Variants in ZCCHC17 observed in about 807,000 individuals in gnomAD.
ZCCHC17 encodes the protein zinc finger CCHC-type containing 17.
ZCCHC17 carries 18 observed loss-of-function variants against 30.6 expected under a neutral mutation model. That is an observed-to-expected ratio of 0.59 (90% CI 0.41 to 0.87). The LOEUF (loss-of-function observed/expected upper bound fraction) is 0.87. Among genes scored for constraint, ZCCHC17 ranks in the 40% least tolerant of loss-of-function variants. The pLI, the probability that ZCCHC17 is intolerant of heterozygous loss-of-function variation, is 0.00. For missense variants in ZCCHC17, 263 were observed against 284.2 expected (o/e 0.93, Z 0.54); for synonymous variants, 88 against 92.4 (o/e 0.95, Z 0.27).
intron 1 of ZCCHC17, among the ~76,000 whole-genome samples, chr1:31,303,496 A>C (rs1646370306): frequency 6.6e-6 from 1 of 152,212 alleles, no homozygotes; most frequent in African/African-American, 2.4e-5. Flanking sequence ...AACAACAAAA[A>C]TCTTGACCAG....
intron 5 of ZCCHC17, among the ~76,000 whole-genome samples, chr1:31,342,335 C>A (rs1639079289): frequency 6.6e-6 from 1 of 152,208 alleles, no homozygotes; most frequent in East Asian, 1.9e-4. Context: ...TGAGCCACTA[C>A]CGCTCAGCCC....
At chr1:31,318,295 T>G in intron 2 of ZCCHC17, 1 of 1,397,542 alleles carries the variant, frequency 7.2e-7, no homozygotes, top group Non-Finnish European at 9.7e-7. Context: ...ATTCAGCATA[T>G]AGTGACAACA....
intron 2 of ZCCHC17, among the ~76,000 whole-genome samples, chr1:31,317,646 CTT>C (rs1351930882): frequency 6.6e-6 from 1 of 150,614 alleles, no homozygotes; most frequent in African/African-American, 2.4e-5. Context: ...TTTTTTAAAG[CTT>C]TTTTAGAGAT....
intron 5 of ZCCHC17, among the ~76,000 whole-genome samples, chr1:31,340,022 T>C (rs1411102457): frequency 7.8e-6 from 1 of 127,500 alleles, no homozygotes; most frequent in Non-Finnish European, 1.6e-5. Flanking sequence ...AGTGCCATAA[T>C]CACGGCTTAC....
chr1:31,321,194 A>G (rs1235111161), intron 3 of ZCCHC17, among the ~76,000 whole-genome samples: 3 of 152,106 alleles, frequency 2.0e-5, no homozygotes, highest in African/African-American at 7.2e-5. Flanking sequence ...GAGATAATTG[A>G]ATCATGGGGG....
chr1:31,306,059 T>C (rs1340210123), intron 1 of ZCCHC17, among the ~76,000 whole-genome samples: 1 of 152,208 alleles, frequency 6.6e-6, no homozygotes, highest in African/African-American at 2.4e-5. Context: ...TAAGCACTTA[T>C]CATACACTGT....
intron 1 of ZCCHC17, among the ~76,000 whole-genome samples, chr1:31,308,937 A>G (rs766311749): frequency 6.6e-5 from 10 of 152,230 alleles, no homozygotes; most frequent in Non-Finnish European, 1.2e-4. Flanking sequence ...TTGCTGTAGT[A>G]AGAAAATGAT....
At chr1:31,344,321 A>G (rs191569186) in intron 5 of ZCCHC17, among the ~76,000 whole-genome samples, 336 of 152,252 alleles carry the variant, frequency 2.2e-3, no homozygotes, top group Non-Finnish European at 3.8e-3. Flanking sequence ...AAAAGCACAT[A>G]TGACTTAACT....
intron 5 of ZCCHC17, among the ~76,000 whole-genome samples, chr1:31,342,106 T>C (rs557198981): frequency 1.6e-4 from 25 of 152,190 alleles, no homozygotes; most frequent in African/African-American, 6.0e-4. Flanking sequence ...AGTGTAGTGG[T>C]ACAATCGTGG....
chr1:31,304,172 T>A (rs1265172092), intron 1 of ZCCHC17, among the ~76,000 whole-genome samples: 1 of 152,246 alleles, frequency 6.6e-6, no homozygotes, highest in Admixed American at 6.5e-5. Context: ...GCAAGGCAAC[T>A]CCAAATGGTG....
intron 2 of ZCCHC17, among the ~76,000 whole-genome samples, chr1:31,314,109 C>T (rs1377007610): frequency 1.3e-5 from 2 of 152,274 alleles, no homozygotes; most frequent in South Asian, 2.1e-4. Flanking sequence ...AGGTGATCCA[C>T]CCACCTCGGC....
intron 3 of ZCCHC17, among the ~76,000 whole-genome samples, chr1:31,328,274 G>A (rs1263153697): frequency 1.3e-5 from 2 of 152,110 alleles, no homozygotes; most frequent in African/African-American, 4.8e-5. Flanking sequence ...AGCACTTTGG[G>A]AGGCGAGGTA....
chr1:31,313,699 A>C (rs562116745), intron 2 of ZCCHC17, among the ~76,000 whole-genome samples: 134 of 152,284 alleles, frequency 8.8e-4, no homozygotes, highest in Non-Finnish European at 1.6e-3. Context: ...AGAAGAAGGA[A>C]GTGTAGCACT....
At chr1:31,331,822 G>A (rs867962115) in intron 3 of ZCCHC17, among the ~76,000 whole-genome samples, 2 of 151,446 alleles carry the variant, frequency 1.3e-5, no homozygotes, top group Non-Finnish European at 2.9e-5. Flanking sequence ...ATGTTGGGCA[G>A]GATGCTCTCG....
Position 31,298,360 on chromosome 1 carries a change from A to G in ZCCHC17, c.-56+1285A>G, listed in dbSNP as rs551125548. On this transcript the variant is annotated intron_variant, in intron 1 of 7. Coordinates refer to ENST00000344147, the MANE Select transcript of ZCCHC17 (RefSeq NM_016505.4). ...CCTCAAGCTGGATAGGGAACACTAG[A>G]AGATGATTAGAGACCAGTTTTTTTT... 2.0e-5 allele frequency among the ~76,000 whole-genome samples: 3 copies of G among 150,152 alleles called. 1 individual carries two copies. The East Asian group carries it at 5.8e-4, about 29-fold the overall frequency.
At chr1:31,339,164 G>A in intron 5 of ZCCHC17, 116 bp downstream of exon 5, 3 of 751,022 alleles carry the variant, frequency 4.0e-6, no homozygotes, top group Non-Finnish European at 6.4e-6. Context: ...ATATTGATAA[G>A]TTACGTAACC....
At chr1:31,350,221 C>T (rs911577616) in intron 7 of ZCCHC17, among the ~76,000 whole-genome samples, 10 of 152,094 alleles carry the variant, frequency 6.6e-5, no homozygotes, top group Non-Finnish European at 1.3e-4. Flanking sequence ...ACTTTTGTTT[C>T]GTTTTTAAAT....
intron 7 of ZCCHC17, among the ~76,000 whole-genome samples, chr1:31,362,617 G>A (rs1276625322): frequency 2.0e-5 from 3 of 152,214 alleles, no homozygotes; most frequent in African/African-American, 7.2e-5. Context: ...TAAAGTTAGA[G>A]ATGATGAATA....
At chr1:31,353,078 G>A (rs1639525340) in intron 7 of ZCCHC17, among the ~76,000 whole-genome samples, 1 of 152,178 alleles carries the variant, frequency 6.6e-6, no homozygotes, top group African/African-American at 2.4e-5. Context: ...TGCGTGTAAA[G>A]TGACATCTCA....
Sources: gnomAD v4.1 joint callset for allele counts (sites outside exome capture counted in the v4.1 genomes callset) on GRCh38, gnomAD v4.1.1 for gene constraint, MANE v1.5 for transcripts, NCBI Gene and HGNC (gene_info 2026-07-23, HGNC 2026-07-21) for gene names.